Variants in ANO10 observed in about 807,000 individuals in gnomAD.
ANO10 encodes the protein anoctamin 10.
ANO10 carries 77 observed loss-of-function variants against 74.7 expected under a neutral mutation model. The observed-to-expected ratio is 1.03, with a 90% CI of 0.86 to 1.25. ANO10 has a LOEUF of 1.25. Ranked by LOEUF, ANO10 falls within the 50% of genes most tolerant of loss-of-function variation. The pLI is 0.00. For missense variants in ANO10, 721 were observed against 778.1 expected, an observed-to-expected ratio of 0.93 and a Z score of 0.87; for synonymous variants, 279 against 284.9, an observed-to-expected ratio of 0.98 and a Z score of 0.21.
intron 1 of ANO10, among the ~76,000 whole-genome samples, chr3:43,668,938 T>C (rs1017035185): frequency 1.3e-5 from 2 of 152,212 alleles, no homozygotes; most frequent in African/African-American, 4.8e-5. Flanking sequence ...TTTTATCTTC[T>C]AAGCATATCA....
At chr3:43,572,139 C>A (rs1464504387) in intron 7 of ANO10, among the ~76,000 whole-genome samples, 1 of 152,182 alleles carries the variant, frequency 6.6e-6, no homozygotes, top group Non-Finnish European at 1.5e-5. Context: ...ACCTACCACC[C>A]AGGTAGCCCA....
At chr3:43,419,715 C>T (rs1261273264) in intron 12 of ANO10, among the ~76,000 whole-genome samples, 1 of 151,996 alleles carries the variant, frequency 6.6e-6, no homozygotes, top group Non-Finnish European at 1.5e-5. Context: ...GGGGTTTCAC[C>T]ATGTTGGCCA....
At chr3:43,408,563 C>T (rs1030081769) in intron 12 of ANO10, among the ~76,000 whole-genome samples, 2 of 152,216 alleles carry the variant, frequency 1.3e-5, no homozygotes, top group South Asian at 4.1e-4. Context: ...TGTCTGATGA[C>T]TGAAGAAGCC....
chr3:43,409,366 G>A (rs537061933), intron 12 of ANO10, among the ~76,000 whole-genome samples: 1 of 152,162 alleles, frequency 6.6e-6, no homozygotes, highest in African/African-American at 2.4e-5. Flanking sequence ...TGGGCAACAC[G>A]GCAAAACCCA....
At chr3:43,504,888 C>T (rs1426968277) in intron 11 of ANO10, among the ~76,000 whole-genome samples, 1 of 152,176 alleles carries the variant, frequency 6.6e-6, no homozygotes, top group African/African-American at 2.4e-5. Context: ...AATCCTCCCA[C>T]CTCTGCCTCC....
At chr3:43,624,440 C>T (rs12152260), upstream of ANO10, among the ~76,000 whole-genome samples, 118,317 of 152,126 alleles carry the variant, frequency 0.78, 46,558 homozygotes, top group East Asian at 0.89. Context: ...AGCACCATCC[C>T]CTTGGTGCTG....
intron 1 of ANO10, chr3:43,691,017 G>A: frequency 6.4e-7 from 1 of 1,565,996 alleles, no homozygotes; most frequent in Middle Eastern, 1.7e-4. Flanking sequence ...GGAGGAGGTG[G>A]ACTCTGCCGA....
chr3:43,421,690 TAG>T (rs146966978), intron 12 of ANO10, among the ~76,000 whole-genome samples: 2,229 of 151,952 alleles, frequency 0.015, 62 homozygotes, highest in African/African-American at 0.051. Context: ...TACAAAATAT[TAG>T]AGAGGTGTGG....
intron 12 of ANO10, among the ~76,000 whole-genome samples, chr3:43,386,845 G>A (rs957086937): frequency 6.6e-6 from 1 of 152,048 alleles, no homozygotes; most frequent in African/African-American, 2.4e-5. Flanking sequence ...GGAGAAAGCC[G>A]CCTATGAGTA....
chr3:43,598,766 T>A, intron 3 of ANO10, 100 bp from the exon 4 acceptor site: 4 of 948,930 alleles, frequency 4.2e-6, no homozygotes, highest in South Asian at 1.7e-5. Context: ...AATAAGCAAT[T>A]AACATAAGAA....
chr3:43,612,421 C>T (rs2082875938), intron 1 of ANO10, among the ~76,000 whole-genome samples: 1 of 151,966 alleles, frequency 6.6e-6, no homozygotes, highest in South Asian at 2.1e-4. Flanking sequence ...AGCTTCCTTC[C>T]CAGTTTCCCT....
chr3:43,517,605 T>C (rs1384435), intron 11 of ANO10, among the ~76,000 whole-genome samples: 75,114 of 152,016 alleles, frequency 0.49, 20,662 homozygotes, highest in East Asian at 0.83. Flanking sequence ...TGTTAGGATA[T>C]AGCAAGATGG....
intron 11 of ANO10, among the ~76,000 whole-genome samples, chr3:43,470,866 A>G (rs1254143719): frequency 6.6e-6 from 1 of 152,018 alleles, no homozygotes; most frequent in East Asian, 1.9e-4. Context: ...AACTCAAATG[A>G]TCCACCTGCC....
At chr3:43,671,922 A>G (rs972614799) in intron 1 of ANO10, among the ~76,000 whole-genome samples, 2 of 152,232 alleles carry the variant, frequency 1.3e-5, no homozygotes, top group Non-Finnish European at 2.9e-5. Flanking sequence ...CCCTAAATTT[A>G]GCTATTACAT....
chr3:43,465,229 T>C (rs2075563506), intron 11 of ANO10, among the ~76,000 whole-genome samples: 1 of 152,162 alleles, frequency 6.6e-6, no homozygotes, highest in African/African-American at 2.4e-5. Context: ...TAACAATGGA[T>C]ATATATTCTG....
intron 1 of ANO10, among the ~76,000 whole-genome samples, chr3:43,672,856 T>G (rs1036955703): frequency 4.6e-5 from 7 of 152,178 alleles, no homozygotes; most frequent in African/African-American, 1.7e-4. Context: ...AAGCCCTGAT[T>G]TGAAGTGATT....
intron 11 of ANO10, among the ~76,000 whole-genome samples, chr3:43,497,028 G>A (rs1242917981): frequency 6.6e-6 from 1 of 152,264 alleles, no homozygotes; most frequent in African/African-American, 2.4e-5. Flanking sequence ...TGGGGATAGG[G>A]GATGGGACTG....
At chr3:43,395,503 T>C (rs891021608) in intron 12 of ANO10, among the ~76,000 whole-genome samples, 6 of 152,228 alleles carry the variant, frequency 3.9e-5, no homozygotes, top group African/African-American at 7.2e-5. Flanking sequence ...TTTTTGCACA[T>C]GAATATCCAA....
At chr3:43,486,514 G>A (rs2076496174) in intron 11 of ANO10, among the ~76,000 whole-genome samples, 2 of 150,118 alleles carry the variant, frequency 1.3e-5, no homozygotes, top group South Asian at 4.3e-4. Flanking sequence ...CCTTGAAGAA[G>A]TCCTTCACAT....
Sources: allele counts gnomAD v4.1 joint callset (sites outside exome capture counted in the v4.1 genomes callset), GRCh38; gene constraint gnomAD v4.1.1; transcripts MANE v1.5; gene names NCBI Gene and HGNC (gene_info 2026-07-23, HGNC 2026-07-21).